The following DNAI4 variants were observed in gnomAD, a reference collection of about 807,000 sequenced individuals.
DNAI4 encodes dynein axonemal intermediate chain 4, also known as WD repeat domain 78.
DNAI4 carries 85 observed loss-of-function variants against 105.8 expected under a neutral mutation model. That is an observed-to-expected ratio of 0.80 (90% CI 0.67 to 0.96). The LOEUF (loss-of-function observed/expected upper bound fraction) is 0.96. Among genes scored for constraint, DNAI4 ranks in the 40% least tolerant of loss-of-function variants. The probability of loss-of-function intolerance (pLI) is 0.00; values close to 1 mark genes in which losing one functional copy is unlikely to be tolerated. For synonymous variants in DNAI4, 352 were observed against 331.5 expected, an observed-to-expected ratio of 1.06 and a Z score of -0.67; for missense variants, 1,014 against 1,005.6, an observed-to-expected ratio of 1.01 and a Z score of -0.11.
intron 4 of DNAI4, among the ~76,000 whole-genome samples, chr1:66,876,325 T>C (rs1267392963): frequency 6.6e-6 from 1 of 152,194 alleles, no homozygotes; most frequent in Non-Finnish European, 1.5e-5. Flanking sequence ...CTCTTGATTC[T>C]CTGAGGTTTC....
intron 15 of DNAI4, among the ~76,000 whole-genome samples, chr1:66,825,965 C>T (rs561514090): frequency 2.3e-4 from 35 of 152,204 alleles, no homozygotes; most frequent in African/African-American, 7.9e-4. Context: ...GAACCATTAA[C>T]GTTTTTATTT....
At chr1:66,855,141 A>T (rs1473403064) in intron 7 of DNAI4, among the ~76,000 whole-genome samples, 2 of 152,220 alleles carry the variant, frequency 1.3e-5, no homozygotes, top group African/African-American at 4.8e-5. Context: ...CTAATTACCC[A>T]GGGCCAGCTA....
rs776785736 is a variant in DNAI4, at chr1:66,822,465, T to G, written c.2392A>C (p.Ile798Leu). The part of the protein sequence containing the change: ...TANPGIKFTT[I>L]LFAKQTDCLL... Reference sequence around the variant, plus strand: ...CAATCTGTTTGTTTGGCAAAGAGAATGGTTGTGAACTTGATTCCAGGGTTA... The same window carrying G: ...CAATCTGTTTGTTTGGCAAAGAGAAGGGTTGTGAACTTGATTCCAGGGTTA... Residue 798 changes from isoleucine to leucine, a missense_variant, in exon 16 of 17, where the codon ATT (isoleucine) becomes CTT (leucine). Coordinates refer to ENST00000371026, the MANE Select transcript of DNAI4 (RefSeq NM_024763.5). The G allele has an allele frequency of 1.2e-6, 2 of 1,613,106 alleles. No individual in the cohort carries two copies. Among genetic ancestry groups the G allele is most frequent in the Admixed American group, 1.7e-5 (1 of 59,782 alleles).
chr1:66,840,053 G>T (rs758087454), intron 9 of DNAI4, among the ~76,000 whole-genome samples: 22 of 152,098 alleles, frequency 1.4e-4, no homozygotes, highest in Non-Finnish European at 8.8e-5. Flanking sequence ...TTGCACACTT[G>T]TAAGGTCACT....
chr1:66,844,992 G>A (rs1646239830), intron 8 of DNAI4, among the ~76,000 whole-genome samples: 1 of 151,880 alleles, frequency 6.6e-6, no homozygotes. Flanking sequence ...TCAAGAGTTC[G>A]AGACCAGCCT....
At chr1:66,872,800 C>T (rs1024833371) in intron 5 of DNAI4, among the ~76,000 whole-genome samples, 2 of 152,096 alleles carry the variant, frequency 1.3e-5, no homozygotes, top group Non-Finnish European at 2.9e-5. Flanking sequence ...CTGCAACCTT[C>T]CCCTCCTGGA....
chr1:66,867,001 A>G (rs1386113341), intron 6 of DNAI4, among the ~76,000 whole-genome samples: 1 of 152,146 alleles, frequency 6.6e-6, no homozygotes, highest in Admixed American at 6.5e-5. Context: ...CCCTTATAAA[A>G]CCATCAGATC....
At chr1:66,891,374 TCA>T in intron 3 of DNAI4, 108 bp from the exon 4 acceptor site, 1 of 692,810 alleles carries the variant, frequency 1.4e-6, no homozygotes, top group African/African-American at 1.9e-5. Flanking sequence ...TATACTATGA[TCA>T]TATAAGCAAA....
chr1:66,921,991 G>A (rs548751200), intron 1 of DNAI4, among the ~76,000 whole-genome samples: 25 of 150,900 alleles, frequency 1.7e-4, no homozygotes, highest in Admixed American at 4.6e-4. Flanking sequence ...TCACCTTCCC[G>A]GTCTCAAGTA....
At position 66,880,972 on chromosome 1, in the gene DNAI4, A is replaced by C. The variant is rs944480218; in HGVS notation, c.644-6035T>G. On this transcript the variant is annotated intron_variant, in intron 4 of 16. Transcript: ENST00000371026. ...CCCAGCCACTCCAGCCGTGACTAAA[A>C]GGGATGAAGGTACAGCTCAAGCTAT... 3.3e-5 allele frequency among the ~76,000 whole-genome samples: 5 copies of C among 152,212 alleles called. No homozygotes were observed. The East Asian group carries it at 9.6e-4, about 29-fold the overall frequency.
At chr1:66,901,486 T>C (rs1648816469) in intron 2 of DNAI4, among the ~76,000 whole-genome samples, 1 of 152,228 alleles carries the variant, frequency 6.6e-6, no homozygotes, top group Non-Finnish European at 1.5e-5. Context: ...ATCACAATAG[T>C]ACATTATTTC....
chr1:66,871,520 TAA>T lies in DNAI4; in HGVS notation c.801-13_801-12del. On this transcript the variant is annotated splice_polypyrimidine_tract_variant and intron_variant, in intron 5 of 16. Coordinates refer to ENST00000371026, the MANE Select transcript of DNAI4 (RefSeq NM_024763.5). ...TTCTTGTTTCTCTGACTGTAAAAAATAAAGTGTATCCAACTCATTAATAAGAA... is the reference window on the plus strand; with the variant it reads ...TTCTTGTTTCTCTGACTGTAAAAAATAGTGTATCCAACTCATTAATAAGAA... The T allele has an allele frequency of 1.3e-6, 2 of 1,577,942 alleles. No homozygotes were observed. The highest frequency in any genetic ancestry group is 1.7e-6 in the Non-Finnish European group (2 of 1,164,428).
chr1:66,818,955 T>C (rs1645572207), intron 16 of DNAI4, among the ~76,000 whole-genome samples: 1 of 152,102 alleles, frequency 6.6e-6, no homozygotes, highest in African/African-American at 2.4e-5. Context: ...ACACCTCACA[T>C]TGATACTTCC....
chr1:66,844,370 G>A (rs1447808517), intron 8 of DNAI4, among the ~76,000 whole-genome samples: 1 of 151,990 alleles, frequency 6.6e-6, no homozygotes, highest in African/African-American at 2.4e-5. Context: ...AGACTAGCCT[G>A]GCCAACAATG....
intron 14 of DNAI4, 92 bp downstream of exon 14, chr1:66,827,720 A>T: frequency 1.6e-6 from 1 of 626,212 alleles, no homozygotes; most frequent in Non-Finnish European, 2.5e-6. Context: ...CTGAAGTTGT[A>T]AATTTATTGC....
At chr1:66,828,148 A>T in intron 13 of DNAI4, 1 of 249,344 alleles carries the variant, frequency 4.0e-6, no homozygotes, top group Non-Finnish European at 7.6e-6. Context: ...TCGGGGTAGC[A>T]TTTAATATCC....
intron 8 of DNAI4, among the ~76,000 whole-genome samples, chr1:66,845,860 G>C (rs1320576946): frequency 6.6e-6 from 1 of 151,850 alleles, no homozygotes; most frequent in African/African-American, 2.4e-5. Flanking sequence ...GTGTGTGGTG[G>C]GGGTTGGGGG....
chr1:66,835,667 G>T lies in DNAI4; in HGVS notation c.1692C>A (p.Tyr564Ter). Residue 564 changes from tyrosine to a stop codon, truncating the protein, a stop_gained, in exon 11 of 17, where the codon TAC becomes TAA. Transcript: ENST00000371026. LOFTEE classifies it high-confidence loss of function. The stretch of plus-strand genomic sequence containing the variant: ...GAACATTACTGTTGCTCCGTACATT[G>T]TAAATTGCAATTGTGCCATTGTGAT... ...VGYHNGTIAI[Y>*]NVRSNSNVPV... The T allele has an allele frequency of 6.2e-7, 1 of 1,614,114 alleles. No individual in the cohort carries two copies. Among genetic ancestry groups the T allele is most frequent in the Non-Finnish European group, 8.5e-7 (1 of 1,180,004 alleles).
At chr1:66,886,080 GACCTTCAAATTA>G (rs1195989560) in intron 4 of DNAI4, among the ~76,000 whole-genome samples, 2 of 151,770 alleles carry the variant, frequency 1.3e-5, no homozygotes, top group Admixed American at 6.6e-5. Flanking sequence ...ATTTTTTATT[GACCTTCAAATTA>G]ACTGATACTT....
Sources: allele counts gnomAD v4.1 joint callset (sites outside exome capture counted in the v4.1 genomes callset), GRCh38; gene constraint gnomAD v4.1.1; transcripts MANE v1.5; gene names NCBI Gene and HGNC (gene_info 2026-07-23, HGNC 2026-07-21).